The following MYO16 variants were observed in gnomAD, a reference collection of about 807,000 sequenced individuals.
MYO16 encodes the protein unconventional myosin-XVI.
In MYO16, 94 loss-of-function variants were observed where a neutral mutation model predicts 205.3. That is an observed-to-expected ratio of 0.46 (90% CI 0.39 to 0.54). The LOEUF (loss-of-function observed/expected upper bound fraction) is 0.54, where lower values mean the gene tolerates loss of function less well. MYO16 is among the 20% of genes least tolerant of loss of function. MYO16 has a pLI of 0.00. For synonymous variants in MYO16, 988 were observed against 954.0 expected (o/e 1.04, Z -0.66); for missense variants, 2,315 against 2,387.5 (o/e 0.97, Z 0.63).
intron 23 of MYO16, among the ~76,000 whole-genome samples, chr13:109,046,026 G>A (rs549125530): frequency 3.3e-5 from 5 of 151,382 alleles, no homozygotes; most frequent in East Asian, 3.9e-4. Flanking sequence ...CCCTCATGGC[G>A]GATCCTCGCC....
chr13:108,965,953 T>A (rs1190237328), intron 20 of MYO16, among the ~76,000 whole-genome samples: 2 of 152,222 alleles, frequency 1.3e-5, no homozygotes, highest in Non-Finnish European at 2.9e-5. Context: ...AATTGATGCC[T>A]TTAGAGGTTT....
At chr13:108,921,823 T>C (rs1301883412) in intron 16 of MYO16, among the ~76,000 whole-genome samples, 1 of 152,230 alleles carries the variant, frequency 6.6e-6, no homozygotes, top group Non-Finnish European at 1.5e-5. Context: ...GGGAAAATCA[T>C]GCAACCTCTC....
rs757878971 is a variant in MYO16, at chr13:109,019,887, C to T, written c.2772C>T (p.Phe924=). 18 of 1,614,014 alleles carry T rather than the reference C, an allele frequency of 1.1e-5. No individual in the cohort carries two copies. Among genetic ancestry groups the T allele is most frequent in the Non-Finnish European group, 1.2e-5 (14 of 1,180,014 alleles). The change falls in exon 23 of 35, where the codon TTC becomes TTT. Residue 924 remains phenylalanine, a synonymous_variant. Coordinates refer to ENST00000457511, the MANE Select transcript of MYO16 (RefSeq NM_001198950.3). ...CCCTCAAAGACCACGGTACAGCCTT[C>T]ACCATCATGCACTACGCAGGAAGGG... is the stretch of plus-strand genomic sequence containing the variant. The part of the protein sequence containing the change: ...NVALKDHGTA[F]TIMHYAGRVM...
intron 1 of MYO16, among the ~76,000 whole-genome samples, chr13:108,619,787 C>A (rs1394017003): frequency 6.6e-6 from 1 of 152,102 alleles, no homozygotes; most frequent in Non-Finnish European, 1.5e-5. Flanking sequence ...TGTGTCCTCC[C>A]CTCTCCCTCT....
chr13:108,905,216 C>T (rs984741959), intron 15 of MYO16, among the ~76,000 whole-genome samples: 1 of 152,104 alleles, frequency 6.6e-6, no homozygotes, highest in Admixed American at 6.6e-5. Context: ...AGGTGAATGT[C>T]ACTGATTCTC....
intron 21 of MYO16, among the ~76,000 whole-genome samples, chr13:109,004,523 A>G (rs1339989384): frequency 6.6e-6 from 1 of 152,180 alleles, no homozygotes; most frequent in African/African-American, 2.4e-5. Context: ...TTTTTTATTT[A>G]TGATTGAAAT....
chr13:108,869,185 G>A (rs1192016657), intron 12 of MYO16, among the ~76,000 whole-genome samples: 1 of 152,020 alleles, frequency 6.6e-6, no homozygotes, highest in Non-Finnish European at 1.5e-5. Flanking sequence ...GAATTTGATT[G>A]CATTATATTT....
intron 3 of MYO16, among the ~76,000 whole-genome samples, chr13:108,724,416 A>G (rs79791417): frequency 0.03 from 4,615 of 152,192 alleles, 224 homozygotes; most frequent in African/African-American, 0.11. Flanking sequence ...TTTCTTGGAG[A>G]CAATTATTAG....
At chr13:108,612,126 C>G (rs1879199165) in intron 1 of MYO16, among the ~76,000 whole-genome samples, 1 of 151,958 alleles carries the variant, frequency 6.6e-6, no homozygotes, top group African/African-American at 2.4e-5. Flanking sequence ...GTTGGCTTTA[C>G]TTTATGGATA....
chr13:108,877,389 C>T (rs1879377351), intron 12 of MYO16, among the ~76,000 whole-genome samples: 1 of 152,198 alleles, frequency 6.6e-6, no homozygotes, highest in Non-Finnish European at 1.5e-5. Context: ...TCCCCTTGGG[C>T]CTGTCACTGA....
chr13:109,073,205 G>T (rs766628376), intron 27 of MYO16, among the ~76,000 whole-genome samples: 1 of 151,146 alleles, frequency 6.6e-6, no homozygotes, highest in South Asian at 2.1e-4. Context: ...GGGTTCAAGC[G>T]ATTCTCCTGC....
intron 34 of MYO16, among the ~76,000 whole-genome samples, chr13:109,190,073 T>A (rs766525463): frequency 1.8e-4 from 28 of 152,340 alleles, no homozygotes; most frequent in Non-Finnish European, 3.4e-4. Flanking sequence ...TATAGTCAAA[T>A]TGATTAATCC....
At chr13:109,203,823 T>G (rs1463990053) in intron 34 of MYO16, among the ~76,000 whole-genome samples, 1 of 152,232 alleles carries the variant, frequency 6.6e-6, no homozygotes, top group African/African-American at 2.4e-5. Context: ...CTGCTTTCTA[T>G]AAACTTTGGC....
intron 2 of MYO16, among the ~76,000 whole-genome samples, chr13:108,673,034 T>A (rs776757343): frequency 1.3e-5 from 2 of 152,124 alleles, no homozygotes; most frequent in African/African-American, 4.8e-5. Flanking sequence ...GGTACATATG[T>A]TATTGAAAGT....
intron 16 of MYO16, among the ~76,000 whole-genome samples, chr13:108,925,729 C>T (rs1207635337): frequency 1.3e-5 from 2 of 152,180 alleles, no homozygotes; most frequent in Non-Finnish European, 2.9e-5. Context: ...GTCTCTCCAT[C>T]TCTCTGCTGC....
chr13:108,812,778 G>T (rs1399913828), intron 7 of MYO16, among the ~76,000 whole-genome samples: 2 of 152,078 alleles, frequency 1.3e-5, no homozygotes, highest in Non-Finnish European at 2.9e-5. Context: ...CTCATGAAAG[G>T]ATTAATACGA....
At chr13:108,952,987 T>A (rs1883214282) in intron 16 of MYO16, among the ~76,000 whole-genome samples, 1 of 152,138 alleles carries the variant, frequency 6.6e-6, no homozygotes, top group African/African-American at 2.4e-5. Context: ...TCAACCACTG[T>A]GTTGAGATTA....
At chr13:108,606,740 G>A (rs1361314921) in intron 1 of MYO16, among the ~76,000 whole-genome samples, 1 of 152,118 alleles carries the variant, frequency 6.6e-6, no homozygotes, top group Non-Finnish European at 1.5e-5. Flanking sequence ...TGAGAAGAGG[G>A]CCACCATACT....
chr13:109,011,304 T>C (rs1885588123), intron 22 of MYO16, among the ~76,000 whole-genome samples: 1 of 151,980 alleles, frequency 6.6e-6, no homozygotes, highest in Admixed American at 6.6e-5. Context: ...AAGGTGGCTG[T>C]CATTATTGCT....
Sources: allele counts gnomAD v4.1 joint callset (sites outside exome capture counted in the v4.1 genomes callset), GRCh38; gene constraint gnomAD v4.1.1; transcripts MANE v1.5; gene names NCBI Gene and HGNC (gene_info 2026-07-23, HGNC 2026-07-21).